The following TDRD15 variants were observed in gnomAD, a reference collection of about 807,000 sequenced individuals.
TDRD15 encodes tudor domain-containing protein 15.
For missense variants in TDRD15, 1,416 were observed against 904.7 expected, an observed-to-expected ratio of 1.57 and a Z score of -7.25; for synonymous variants, 503 against 314.5, an observed-to-expected ratio of 1.60 and a Z score of -6.34.
rs1665955793 is a variant in TDRD15, at chr2:21,142,519, A to G, written c.5052A>G (p.Leu1684=). The G allele has an allele frequency of 1.4e-6, 1 of 697,678 alleles. No individual in the cohort carries two copies. Among genetic ancestry groups the G allele is most frequent in the African/African-American group, 1.8e-5 (1 of 56,232 alleles). The allele number at this position is 697,678 out of a possible 1,614,324, so 43.2% of individuals were successfully genotyped here. A position where few individuals can be genotyped will look rare whatever the true frequency, so the allele number is the denominator to read the frequency against. ...TAGAAATTTTGGTAGATGACCTGTT[A>G]CTTTTGGAATACTTAAATTTGAATA... The part of the protein sequence containing the change: ...WEVEILVDDL[L]LLEYLNLNTV... The change falls in exon 4 of 4, where the codon TTA becomes TTG. Residue 1684 remains leucine (L), a synonymous_variant. Transcript: ENST00000405799.
chr2:21,141,761 T>C lies in TDRD15; in HGVS notation c.4294T>C (p.Ser1432Pro). 1.4e-6 allele frequency: 1 copy of C among 715,066 alleles called. No individual in the cohort carries two copies. Among genetic ancestry groups the C allele is most frequent in the Non-Finnish European group, 2.6e-6 (1 of 383,500 alleles). 44.3% of individuals were successfully genotyped at this position (715,066 alleles called of 1,614,324 possible). Residue 1432 changes from serine (S) to proline (P), a missense_variant, in exon 4 of 4, where the codon TCG (serine) becomes CCG (proline). Physicochemically the swap from Ser to Pro is moderately conservative, Grantham distance 74. Coordinates refer to ENST00000405799, the MANE Select transcript of TDRD15 (RefSeq NM_001306137.2). ...WDDKTVDYFT[S>P]KVHNKTVYCE... is the part of the protein sequence containing the mutation. Reference sequence around the variant, plus strand: ...TGACAAAACTGTGGATTATTTTACTTCGAAAGTACATAACAAAACAGTTTA... The same window carrying C: ...TGACAAAACTGTGGATTATTTTACTCCGAAAGTACATAACAAAACAGTTTA...
chr2:21,136,085 C>A (rs1163717092), intron 3 of TDRD15, among the ~76,000 whole-genome samples: 1 of 151,908 alleles, frequency 6.6e-6, no homozygotes, highest in Non-Finnish European at 1.5e-5. Context: ...ATCACAGGGC[C>A]CTTCAGGTGA....
At chr2:21,125,520 T>C (rs535785611) in intron 1 of TDRD15, among the ~76,000 whole-genome samples, 1 of 150,528 alleles carries the variant, frequency 6.6e-6, no homozygotes, top group African/African-American at 2.4e-5. Context: ...AGAGAGAGAG[T>C]GAGTTAGTGT....
rs1572300024 is a variant in TDRD15, at chr2:21,138,934, A to G, written c.1467A>G (p.Ala489=). 12 of 715,132 alleles carry G rather than the reference A, an allele frequency of 1.7e-5. No homozygotes were observed. In the East Asian group the frequency reaches 2.7e-4, roughly 16 times the overall value. The allele number at this position is 715,132 out of a possible 1,614,324, so 44.3% of individuals were successfully genotyped here. Residue 489 remains alanine, a synonymous_variant, in exon 4 of 4, where the codon GCA becomes GCG. Transcript: ENST00000405799. ...EIEAAYIAFI[A]YVLNPSNFWV... is the part of the protein sequence containing the mutation. ...AGGCTGCCTACATAGCTTTTATAGCATATGTATTAAACCCATCAAATTTCT... is the reference window on the plus strand; with the variant it reads ...AGGCTGCCTACATAGCTTTTATAGCGTATGTATTAAACCCATCAAATTTCT...
At chr2:21,126,303 C>T (rs959979595) in intron 1 of TDRD15, among the ~76,000 whole-genome samples, 2 of 151,820 alleles carry the variant, frequency 1.3e-5, no homozygotes, top group African/African-American at 2.4e-5. Flanking sequence ...TATTCTGCCT[C>T]TTTGTGTTTC....
intron 2 of TDRD15, among the ~76,000 whole-genome samples, 182 bp downstream of exon 2, chr2:21,127,893 A>G (rs1433929636): frequency 6.6e-6 from 1 of 152,204 alleles, no homozygotes; most frequent in Non-Finnish European, 1.5e-5. Flanking sequence ...GGGAGAATTG[A>G]TACCTTAAAA....
chr2:21,125,198 C>A (rs1665560582), intron 1 of TDRD15, among the ~76,000 whole-genome samples: 1 of 148,470 alleles, frequency 6.7e-6, no homozygotes, highest in South Asian at 2.2e-4. Flanking sequence ...TGAGAGAAAT[C>A]TTAATTTTAG....
Position 21,138,494 on chromosome 2 carries a change from G to T in TDRD15, c.1027G>T (p.Asp343Tyr), listed in dbSNP as rs1269968780. 1 of 715,834 alleles carries T rather than the reference G, an allele frequency of 1.4e-6. No homozygotes were observed. Among genetic ancestry groups the T allele is most frequent in the Non-Finnish European group, 2.6e-6 (1 of 384,238 alleles). 44.3% of individuals were successfully genotyped at this position (715,834 alleles called of 1,614,324 possible). ...PSIYVKKLKQ[D>Y]FILVPLFSFP... ...AATTTATGTAAAGAAACTTAAACAG[G>T]ATTTTATTTTAGTACCATTATTTTC... Residue 343 changes from aspartate (D) to tyrosine (Y), a missense_variant, in exon 4 of 4, where the codon GAT becomes TAT. By Grantham distance (160) the Asp-to-Tyr change is radical. Transcript: ENST00000405799.
intron 1 of TDRD15, among the ~76,000 whole-genome samples, chr2:21,126,440 C>G (rs1051135637): frequency 6.6e-6 from 1 of 151,768 alleles, no homozygotes; most frequent in Non-Finnish European, 1.5e-5. Context: ...GACCTCGTCT[C>G]GCCGCAATCT....
chr2:21,140,598 T>C lies in TDRD15; in HGVS notation c.3131T>C (p.Val1044Ala). 1.4e-6 allele frequency: 1 copy of C among 714,626 alleles called. No homozygotes were observed. The highest frequency in any genetic ancestry group is 2.6e-6 in the Non-Finnish European group (1 of 383,452). The allele number at this position is 714,626 out of a possible 1,614,324, so 44.3% of individuals were successfully genotyped here. Residue 1044 changes from valine to alanine, a missense_variant, in exon 4 of 4, where the codon GTC (valine) becomes GCC (alanine). Val to Ala is a moderately conservative substitution (Grantham distance 64, BLOSUM62 0). Coordinates refer to ENST00000405799, the MANE Select transcript of TDRD15 (RefSeq NM_001306137.2). Reference sequence around the variant, plus strand: ...ACAGATTCATCATCTGAGTTTCAAGTCTATTTTGTAGACTTTGGAAATAAG... The same window carrying C: ...ACAGATTCATCATCTGAGTTTCAAGCCTATTTTGTAGACTTTGGAAATAAG... ...IPTDSSSEFQ[V>A]YFVDFGNKQL...
In TDRD15 at chr2:21,141,015, A is replaced by C; in HGVS notation, c.3548A>C (p.Asn1183Thr). 1.4e-6 allele frequency: 1 copy of C among 713,112 alleles called. No individual in the cohort carries two copies. 44.2% of individuals were successfully genotyped at this position (713,112 alleles called of 1,614,324 possible). ...TGNNYRHNVI[N>T]KPSPVTYSER... is the part of the protein sequence containing the mutation. ...AACAACTATCGCCATAATGTGATAA[A>C]TAAACCTAGTCCAGTAACATATTCC... The change falls in exon 4 of 4, where the codon AAT becomes ACT. Residue 1183 changes from asparagine to threonine, a missense_variant. Coordinates refer to ENST00000405799, the MANE Select transcript of TDRD15 (RefSeq NM_001306137.2).
Position 21,142,480 on chromosome 2 carries a change from T to A in TDRD15, c.5013T>A (p.Asp1671Glu). ...ATATTCTTTTCCTGAAATATTTAGA[T>A]GCTGTTTGGGAAGTAGAAATTTTGG... ...EINILFLKYL[D>E]AVWEVEILVD... is the part of the protein sequence containing the mutation. The change falls in exon 4 of 4, where the codon GAT becomes GAA. Residue 1671 changes from aspartate (D) to glutamate (E), a missense_variant. Asp to Glu is a conservative substitution (Grantham distance 45). Transcript: ENST00000405799. 2.8e-6 allele frequency: 2 copies of A among 704,858 alleles called. No individual in the cohort carries two copies. Among genetic ancestry groups the A allele is most frequent in the Non-Finnish European group, 5.3e-6 (2 of 380,274 alleles). 43.7% of individuals were successfully genotyped at this position (704,858 alleles called of 1,614,324 possible).
intron 3 of TDRD15, among the ~76,000 whole-genome samples, chr2:21,135,276 G>T (rs1665787974): frequency 6.6e-6 from 1 of 150,884 alleles, no homozygotes; most frequent in African/African-American, 2.4e-5. Context: ...TTGGTCTTTA[G>T]ATGCCCAAGG....
Position 21,140,533 on chromosome 2 carries a change from T to C in TDRD15, c.3066T>C (p.Tyr1022=), listed in dbSNP as rs1161845706. 2 of 699,008 alleles carry C rather than the reference T, an allele frequency of 2.9e-6. No homozygotes were observed. The highest frequency in any genetic ancestry group is 3.6e-5 in the African/African-American group (2 of 56,168). The allele number at this position is 699,008 out of a possible 1,614,324, so 43.3% of individuals were successfully genotyped here. ...SNKMRVCISK[Y]VEDGLSYRAL... ...AAATGAGAGTGTGCATATCTAAGTA[T>C]GTAGAGGATGGTCTCTCATACAGAG... is the stretch of plus-strand genomic sequence containing the variant. The change falls in exon 4 of 4, where the codon TAT becomes TAC. Residue 1022 remains tyrosine, a synonymous_variant. Coordinates refer to ENST00000405799, the MANE Select transcript of TDRD15 (RefSeq NM_001306137.2).
rs1229053400 is a variant in TDRD15 at position 21,138,439 on chromosome 2, G to A, written c.972G>A (p.Met324Ile). The A allele has an allele frequency of 1.4e-6, 1 of 715,162 alleles. No individual in the cohort carries two copies. The highest frequency in any genetic ancestry group is 1.8e-5 in the African/African-American group (1 of 57,124). 44.3% of individuals were successfully genotyped at this position (715,162 alleles called of 1,614,324 possible). A position where few individuals can be genotyped will look rare whatever the true frequency, so the allele number is the denominator to read the frequency against. Residue 324 changes from methionine (M) to isoleucine (I), a missense_variant, in exon 4 of 4, where the codon ATG becomes ATA. Coordinates refer to ENST00000405799, the MANE Select transcript of TDRD15 (RefSeq NM_001306137.2). The part of the protein sequence containing the change: ...LPPNQVKIWF[M>I]DYGSSEAIPS... ...CAAATCAAGTAAAAATTTGGTTTAT[G>A]GATTATGGCAGTAGCGAGGCTATAC...
At chr2:21,131,482 C>T (rs185909328) in intron 2 of TDRD15, among the ~76,000 whole-genome samples, 8 of 152,300 alleles carry the variant, frequency 5.3e-5, no homozygotes, top group African/African-American at 1.7e-4. Context: ...TTGTGCATAT[C>T]AAAGAACGTC....
At chr2:21,124,239 C>G (rs866630971) in intron 1 of TDRD15, among the ~76,000 whole-genome samples, 193 bp downstream of exon 1, 2 of 152,180 alleles carry the variant, frequency 1.3e-5, no homozygotes, top group South Asian at 2.1e-4. Context: ...GGCTCAGATT[C>G]AGCCCTCCCA....
At chr2:21,131,824 T>C (rs938486916) in intron 2 of TDRD15, among the ~76,000 whole-genome samples, 9 of 152,118 alleles carry the variant, frequency 5.9e-5, no homozygotes, top group Non-Finnish European at 1.2e-4. Flanking sequence ...ATGATAAACG[T>C]TGGTAGATAT....
chr2:21,137,134 C>G (rs1456168638), intron 3 of TDRD15, among the ~76,000 whole-genome samples: 1 of 151,968 alleles, frequency 6.6e-6, no homozygotes, highest in African/African-American at 2.4e-5. Context: ...TTTCATTACA[C>G]CACATCTGTC....
Sources: gnomAD v4.1 joint callset for allele counts (sites outside exome capture counted in the v4.1 genomes callset) on GRCh38, gnomAD v4.1.1 for gene constraint, MANE v1.5 for transcripts, NCBI Gene and HGNC (gene_info 2026-07-23, HGNC 2026-07-21) for gene names.